ZNF804B: variants seen among roughly 807,000 people sequenced by gnomAD.
ZNF804B encodes the protein zinc finger 804B.
In ZNF804B, 80 loss-of-function variants were observed where a neutral mutation model predicts 101.4. That is an observed-to-expected ratio of 0.79 (90% CI 0.66 to 0.95). The LOEUF (loss-of-function observed/expected upper bound fraction) is 0.95, where lower values mean the gene tolerates loss of function less well. Among genes scored for constraint, ZNF804B ranks in the 40% least tolerant of loss-of-function variants. The pLI, the probability that ZNF804B is intolerant of heterozygous loss-of-function variation, is 0.00. For missense variants in ZNF804B, 1,673 were observed against 1,561.9 expected (o/e 1.07, Z -1.20); for synonymous variants, 622 against 558.8 (o/e 1.11, Z -1.59).
At chr7:89,281,631 G>T (rs939744147) in intron 2 of ZNF804B, among the ~76,000 whole-genome samples, 1 of 152,196 alleles carries the variant, frequency 6.6e-6, no homozygotes, top group African/African-American at 2.4e-5. Flanking sequence ...TATGAATATG[G>T]ATAACAACAA....
chr7:88,783,637 A>C (rs777963157), intron 1 of ZNF804B, among the ~76,000 whole-genome samples: 7 of 152,184 alleles, frequency 4.6e-5, no homozygotes, highest in Non-Finnish European at 1.0e-4. Flanking sequence ...ATGTTCAGAG[A>C]AACAGGGAAA....
At position 88,848,320 on chromosome 7, in the gene ZNF804B, G is replaced by T. The variant is rs1275696721; in HGVS notation, c.108+88236G>T. ...TTATGGGGGCAGAAGGAGGAGCTGG[G>T]ATGGCTTTGAATACCTGCTTCAGGA... is the stretch of plus-strand genomic sequence containing the variant. On this transcript the variant is annotated intron_variant, in intron 1 of 3. Transcript: ENST00000333190. Among the ~76,000 whole-genome samples, 4 of 152,268 alleles carry T rather than the reference G, an allele frequency of 2.6e-5. 1 individual carries two copies. The South Asian group carries it at 8.3e-4, about 32-fold the overall frequency.
intron 1 of ZNF804B, among the ~76,000 whole-genome samples, chr7:89,009,064 A>T (rs1344294863): frequency 1.3e-5 from 2 of 152,084 alleles, no homozygotes; most frequent in Non-Finnish European, 2.9e-5. Flanking sequence ...TTATCATTAA[A>T]TTTCTGGATT....
intron 2 of ZNF804B, among the ~76,000 whole-genome samples, chr7:89,254,650 TA>T (rs1224876633): frequency 3.9e-4 from 50 of 126,914 alleles, no homozygotes; most frequent in African/African-American, 1.2e-3. Flanking sequence ...TTATTTTTAT[TA>T]TTTTTTTTTT....
intron 1 of ZNF804B, among the ~76,000 whole-genome samples, chr7:89,115,902 T>TTG (rs1554366106): frequency 3.7e-5 from 2 of 54,078 alleles, no homozygotes; most frequent in Non-Finnish European, 7.1e-5. Flanking sequence ...ACAGGTTTTT[T>TTG]TGTTTTTTTT....
chr7:89,113,924 T>TAA (rs949747151), intron 1 of ZNF804B, among the ~76,000 whole-genome samples: 3,181 of 135,598 alleles, frequency 0.023, 115 homozygotes, highest in African/African-American at 0.081. Context: ...ACTCCAGCCA[T>TAA]AAAAAAAAAA....
intron 1 of ZNF804B, among the ~76,000 whole-genome samples, chr7:88,854,467 CTTTCTTTCT>C (rs1791511694): frequency 7.1e-5 from 7 of 98,498 alleles, no homozygotes; most frequent in South Asian, 3.2e-4. Context: ...TTCTTTCTTT[CTTTCTTTCT>C]CTTTCCTTTC....
intron 1 of ZNF804B, among the ~76,000 whole-genome samples, chr7:89,046,717 A>C (rs922376305): frequency 1.3e-5 from 2 of 152,094 alleles, no homozygotes; most frequent in Non-Finnish European, 2.9e-5. Context: ...CAAAAAAAGG[A>C]AGCGGAAAGT....
At chr7:89,139,752 C>T (rs1297391090) in intron 1 of ZNF804B, among the ~76,000 whole-genome samples, 7 of 152,136 alleles carry the variant, frequency 4.6e-5, no homozygotes, top group African/African-American at 1.7e-4. Context: ...GTGTCCACCA[C>T]ATCTGCAGTT....
At chr7:89,123,744 G>A (rs1477881562) in intron 1 of ZNF804B, among the ~76,000 whole-genome samples, 12 of 151,844 alleles carry the variant, frequency 7.9e-5, no homozygotes, top group Non-Finnish European at 1.5e-4. Context: ...CCCTTTTATA[G>A]GTGAGGAAAC....
intron 1 of ZNF804B, among the ~76,000 whole-genome samples, chr7:88,937,119 A>C (rs1792984273): frequency 6.7e-6 from 1 of 149,396 alleles, no homozygotes; most frequent in African/African-American, 2.5e-5. Context: ...GAATAGCAAA[A>C]AAAAAAAAAA....
intron 1 of ZNF804B, among the ~76,000 whole-genome samples, chr7:88,827,283 G>C (rs1003877686): frequency 1.3e-5 from 2 of 151,562 alleles, no homozygotes; most frequent in Admixed American, 6.6e-5. Context: ...TTTTGATACA[G>C]ATTAAAATAT....
chr7:89,249,441 C>A (rs1584082387), intron 2 of ZNF804B, among the ~76,000 whole-genome samples: 1 of 152,108 alleles, frequency 6.6e-6, no homozygotes, highest in Non-Finnish European at 1.5e-5. Context: ...TACTCTTGAA[C>A]CAAAGGGGAA....
chr7:89,052,424 C>T (rs1789220944), intron 1 of ZNF804B, among the ~76,000 whole-genome samples: 1 of 151,966 alleles, frequency 6.6e-6, no homozygotes, highest in Non-Finnish European at 1.5e-5. Flanking sequence ...TGCTAGATTG[C>T]ATATATGAAA....
chr7:89,318,223 G>A (rs970073805), intron 2 of ZNF804B, among the ~76,000 whole-genome samples: 4 of 152,128 alleles, frequency 2.6e-5, no homozygotes, highest in Non-Finnish European at 1.5e-5. Flanking sequence ...TGGGTGGCAG[G>A]GGCTAATAGG....
chr7:89,012,533 G>C (rs1788481317), intron 1 of ZNF804B, among the ~76,000 whole-genome samples: 2 of 152,168 alleles, frequency 1.3e-5, no homozygotes, highest in Admixed American at 1.3e-4. Context: ...ACAGGGGCAA[G>C]AGGCCATCAG....
intron 1 of ZNF804B, among the ~76,000 whole-genome samples, chr7:88,763,694 A>G (rs1469878485): frequency 6.6e-6 from 1 of 152,178 alleles, no homozygotes; most frequent in East Asian, 1.9e-4. Context: ...CTCTAAAATA[A>G]TATGACTACA....
intron 1 of ZNF804B, among the ~76,000 whole-genome samples, chr7:89,104,203 T>G (rs1037259224): frequency 3.3e-5 from 5 of 152,074 alleles, no homozygotes; most frequent in African/African-American, 1.2e-4. Context: ...TTTTTTGTTG[T>G]TGTGTCCTTG....
intron 1 of ZNF804B, among the ~76,000 whole-genome samples, chr7:89,198,254 A>G (rs1397517933): frequency 3.9e-5 from 6 of 151,910 alleles, no homozygotes. Context: ...TTTAACTATT[A>G]AACAGGCAAA....
Sources: allele counts gnomAD v4.1 joint callset (sites outside exome capture counted in the v4.1 genomes callset), GRCh38; gene constraint gnomAD v4.1.1; transcripts MANE v1.5; gene names NCBI Gene and HGNC (gene_info 2026-07-23, HGNC 2026-07-21).